Variants in PLEKHA7 observed in about 807,000 individuals in gnomAD.
PLEKHA7 encodes the protein pleckstrin homology domain-containing family A member 7.
PLEKHA7 carries 104 observed loss-of-function variants against 170.0 expected under a neutral mutation model. The observed-to-expected ratio is 0.61, with a 90% confidence interval of 0.52 to 0.72. PLEKHA7 has a LOEUF of 0.72. Among genes scored for constraint, PLEKHA7 ranks in the 30% least tolerant of loss-of-function variants. PLEKHA7 has a pLI of 0.00. For synonymous variants in PLEKHA7, 648 were observed against 660.8 expected, an observed-to-expected ratio of 0.98 and a Z score of 0.30; for missense variants, 1,615 against 1,671.7, an observed-to-expected ratio of 0.97 and a Z score of 0.59.
intron 17 of PLEKHA7, among the ~76,000 whole-genome samples, chr11:16,797,036 A>G (rs918407477): frequency 3.9e-5 from 6 of 152,126 alleles, no homozygotes; most frequent in Non-Finnish European, 1.5e-5. Context: ...CAATAAGAGT[A>G]CAATTTTTAT....
rs941447087 is a variant in PLEKHA7 at position 16,816,879 on chromosome 11, A to C, written c.1787T>G (p.Val596Gly). ...RPHTPAERVT[V>G]KPPDQRRSVD... The stretch of plus-strand genomic sequence containing the variant: ...ACTCCTCCTCTGGTCCGGTGGCTTC[A>C]CTGTGACTCGCTCTGCTGGTGTGTG... Residue 596 changes from valine to glycine, a missense_variant, in exon 11 of 27, where the codon GTG becomes GGG. Transcript: ENST00000531066. 2 of 1,613,848 alleles carry C rather than the reference A, an allele frequency of 1.2e-6. No homozygotes were observed. The highest frequency in any genetic ancestry group is 2.2e-5 in the East Asian group (1 of 44,882).
At chr11:16,883,902 G>T (rs1187484904) in intron 3 of PLEKHA7, among the ~76,000 whole-genome samples, 1 of 152,168 alleles carries the variant, frequency 6.6e-6, no homozygotes, top group Non-Finnish European at 1.5e-5. Flanking sequence ...CCAATTCAGT[G>T]TCAATCCCAG....
intron 3 of PLEKHA7, among the ~76,000 whole-genome samples, chr11:16,900,907 G>A (rs756470292): frequency 8.6e-5 from 13 of 150,768 alleles, no homozygotes; most frequent in African/African-American, 2.4e-4. Context: ...GTGCAGTGGC[G>A]CGATCTCAGC....
chr11:16,795,571 C>A (rs1848166170), intron 17 of PLEKHA7, among the ~76,000 whole-genome samples: 1 of 152,088 alleles, frequency 6.6e-6, no homozygotes, highest in Non-Finnish European at 1.5e-5. Context: ...GAGGTAAACA[C>A]TTGAGGCCAA....
chr11:17,013,946 C>CCG (rs1555002828), intron 3 of PLEKHA7, 43 bp downstream of exon 3: 1 of 1,501,392 alleles, frequency 6.7e-7, no homozygotes, highest in Admixed American at 2.2e-5. Context: ...AGGGACCCCC[C>CCG]CCCCGCGGCA....
intron 3 of PLEKHA7, among the ~76,000 whole-genome samples, chr11:16,963,643 C>G (rs1321203597): frequency 1.3e-5 from 2 of 152,124 alleles, no homozygotes; most frequent in Admixed American, 1.3e-4. Flanking sequence ...AACATGTCCC[C>G]TGGGGAGCCA....
At chr11:16,863,133 C>A (rs979164571) in intron 4 of PLEKHA7, among the ~76,000 whole-genome samples, 6 of 152,146 alleles carry the variant, frequency 3.9e-5, no homozygotes, top group Admixed American at 1.3e-4. Context: ...GCAAGTGATA[C>A]CCCGCCCCCG....
rs182758055 is a variant in PLEKHA7 at position 16,910,709 on chromosome 11, G to C, written c.222-39527C>G. On this transcript the variant is annotated intron_variant, in intron 3 of 26. Coordinates refer to ENST00000531066, the MANE Select transcript of PLEKHA7 (RefSeq NM_001329630.2). The stretch of plus-strand genomic sequence containing the variant: ...GGGGGTAAAATCCAGGGATGCTGCT[G>C]AACAGCCTGCAATATACAGGACAGC... 9.5e-3 allele frequency among the ~76,000 whole-genome samples: 1,451 copies of C among 152,292 alleles called. 15 individuals carry two copies. Among genetic ancestry groups the C allele is most frequent in the Middle Eastern group, 0.034 (10 of 294 alleles).
In PLEKHA7 at chr11:17,014,196, T is replaced by A; in HGVS notation, c.92A>T (p.Gln31Leu). 6.3e-7 allele frequency: 1 copy of A among 1,589,144 alleles called. No homozygotes were observed. Among genetic ancestry groups the A allele is most frequent in the South Asian group, 1.1e-5 (1 of 88,540 alleles). Reference sequence around the variant, plus strand: ...ATGCAGCCAGGTCGTGCAGCGGAGCTGGTCACTGCGGGCAGAGAGGTGCAC... The same window carrying A: ...ATGCAGCCAGGTCGTGCAGCGGAGCAGGTCACTGCGGGCAGAGAGGTGCAC... ...RDGRVFFIND[Q>L]LRCTTWLHPR... The change falls in exon 2 of 27, where the codon CAG becomes CTG. Residue 31 changes from glutamine to leucine, a missense_variant. Physicochemically the swap from Gln to Leu is moderately radical, Grantham distance 113. Coordinates refer to ENST00000531066, the MANE Select transcript of PLEKHA7 (RefSeq NM_001329630.2).
At position 16,906,273 on chromosome 11, in the gene PLEKHA7, A is replaced by AGGAAGGAAGGAG. The variant is rs1443469524; in HGVS notation, c.222-35092_222-35091insCTCCTTCCTTCC. On this transcript the variant is annotated intron_variant, in intron 3 of 26. Coordinates refer to ENST00000531066, the MANE Select transcript of PLEKHA7 (RefSeq NM_001329630.2). ...AAGGAAGGAAGGAAGGAAGGAAGGA[A>AGGAAGGAAGGAG]GGAAGGAAAGAAAGAAAATTGGAAA... Among the ~76,000 whole-genome samples the AGGAAGGAAGGAG allele has an allele frequency of 8.7e-4, 101 of 116,152 alleles. 1 individual carries two copies. The highest frequency in any genetic ancestry group is 3.0e-3 in the African/African-American group (89 of 29,712). 76.2% of individuals were successfully genotyped at this position (116,152 alleles called of 152,430 possible).
chr11:16,830,664 G>A (rs982853500), intron 9 of PLEKHA7, among the ~76,000 whole-genome samples: 7 of 152,206 alleles, frequency 4.6e-5, no homozygotes, highest in Admixed American at 2.0e-4. Flanking sequence ...TTGTAATGTG[G>A]ATTTTTCTTC....
At chr11:16,950,095 G>A (rs1231353863) in intron 3 of PLEKHA7, among the ~76,000 whole-genome samples, 1 of 135,872 alleles carries the variant, frequency 7.4e-6, no homozygotes, top group Non-Finnish European at 1.6e-5. Flanking sequence ...GGGGGGCGGG[G>A]GCGGAGCACA....
At chr11:16,954,205 A>G (rs1861565944) in intron 3 of PLEKHA7, among the ~76,000 whole-genome samples, 1 of 152,178 alleles carries the variant, frequency 6.6e-6, no homozygotes, top group African/African-American at 2.4e-5. Flanking sequence ...ATCCAGCACT[A>G]TTGGAGCAAA....
At chr11:16,809,722 C>T (rs1490238535) in intron 13 of PLEKHA7, among the ~76,000 whole-genome samples, 1 of 152,240 alleles carries the variant, frequency 6.6e-6, no homozygotes, top group Non-Finnish European at 1.5e-5. Context: ...AAGTCCACCA[C>T]CACCTGAGGT....
chr11:16,788,939 T>C (rs1310262980), intron 23 of PLEKHA7, 157 bp downstream of exon 23: 7 of 913,054 alleles, frequency 7.7e-6, no homozygotes, highest in Admixed American at 2.4e-5. Context: ...TCGTCCAGCC[T>C]GGGTCGTGGA....
At chr11:16,875,851 C>G (rs1299893017) in intron 3 of PLEKHA7, among the ~76,000 whole-genome samples, 1 of 152,130 alleles carries the variant, frequency 6.6e-6, no homozygotes, top group Non-Finnish European at 1.5e-5. Context: ...CGATTCCATT[C>G]AATATTCACA....
At chr11:16,923,230 C>T (rs747799158) in intron 3 of PLEKHA7, among the ~76,000 whole-genome samples, 3 of 152,192 alleles carry the variant, frequency 2.0e-5, no homozygotes, top group Non-Finnish European at 2.9e-5. Flanking sequence ...AAAGGTGAGA[C>T]GTTAGACGGC....
At chr11:16,844,687 G>A (rs1391757631) in intron 8 of PLEKHA7, among the ~76,000 whole-genome samples, 1 of 152,190 alleles carries the variant, frequency 6.6e-6, no homozygotes, top group Non-Finnish European at 1.5e-5. Flanking sequence ...AAGACATGAT[G>A]CCCCTAGGAT....
chr11:17,013,922 C>A, intron 3 of PLEKHA7, 67 bp downstream of exon 3: 1 of 1,449,590 alleles, frequency 6.9e-7, no homozygotes, highest in Non-Finnish European at 9.1e-7. Flanking sequence ...GCGGGGCGCC[C>A]GGCGGGAACG....
Sources: gnomAD v4.1 joint callset for allele counts (sites outside exome capture counted in the v4.1 genomes callset) on GRCh38, gnomAD v4.1.1 for gene constraint, MANE v1.5 for transcripts, NCBI Gene and HGNC (gene_info 2026-07-23, HGNC 2026-07-21) for gene names.